Variants in TENM2 observed in about 807,000 individuals in gnomAD.
TENM2 encodes the protein teneurin-2.
TENM2 carries 52 observed loss-of-function variants against 245.2 expected under a neutral mutation model. That is an observed-to-expected ratio of 0.21 (90% confidence interval 0.17 to 0.27). The LOEUF is 0.27. Among genes scored for constraint, TENM2 ranks in the 10% least tolerant of loss-of-function variants. The probability of loss-of-function intolerance (pLI) is 1.00; values close to 1 mark genes in which losing one functional copy is unlikely to be tolerated. For synonymous variants in TENM2, 1,363 were observed against 1,438.9 expected (o/e 0.95, Z 1.19); for missense variants, 3,046 against 3,666.8 (o/e 0.83, Z 4.37).
At chr5:167,105,322 AC>A in the TENM2 span, among the ~76,000 whole-genome samples, 1 of 151,950 alleles carries the variant, frequency 6.6e-6, no homozygotes, top group South Asian at 2.1e-4. Flanking sequence ...TGATATTATC[AC>A]CCCATTACTG....
chr5:167,300,932 C>A (rs56857681), intron 1 of TENM2, among the ~76,000 whole-genome samples: 38,626 of 151,880 alleles, frequency 0.25, 8,128 homozygotes, highest in African/African-American at 0.58. Context: ...CTAAGTTGGC[C>A]CCAGAATTGG....
the TENM2 span, among the ~76,000 whole-genome samples, chr5:167,018,398 C>G: frequency 1.3e-5 from 2 of 148,724 alleles, no homozygotes; most frequent in Non-Finnish European, 3.0e-5. Context: ...TTTTATGCCA[C>G]TAAAAAAACC....
At chr5:168,047,891 G>A (rs933334379) in intron 6 of TENM2, among the ~76,000 whole-genome samples, 1 of 148,268 alleles carries the variant, frequency 6.7e-6, no homozygotes, top group African/African-American at 2.6e-5. Context: ...AGTGGCAGCA[G>A]CAGCAGCAGC....
At chr5:168,012,649 AAAAAAAAAAAAC>A (rs796517209) in intron 5 of TENM2, among the ~76,000 whole-genome samples, 14 of 132,670 alleles carry the variant, frequency 1.1e-4, no homozygotes, top group African/African-American at 4.6e-4. Context: ...CTCTGTCTCA[AAAAAAAAAAAAC>A]AAAAAAAAAA....
chr5:167,765,899 C>T (rs1016804789), intron 2 of TENM2, among the ~76,000 whole-genome samples: 1 of 152,126 alleles, frequency 6.6e-6, no homozygotes, highest in Non-Finnish European at 1.5e-5. Flanking sequence ...CGCTTGTAAA[C>T]TTAATTGATA....
the TENM2 span, among the ~76,000 whole-genome samples, chr5:167,267,925 A>G: frequency 2.0e-5 from 3 of 149,068 alleles, no homozygotes; most frequent in Admixed American, 6.9e-5. Flanking sequence ...GGCAACAAAG[A>G]GTCTTTTTAA....
chr5:167,792,620 G>A (rs1373888313), intron 2 of TENM2, among the ~76,000 whole-genome samples: 2 of 151,722 alleles, frequency 1.3e-5, no homozygotes, highest in Non-Finnish European at 2.9e-5. Flanking sequence ...TAAGTTTAAG[G>A]ACTTCCTCCA....
Position 167,746,269 on chromosome 5 carries a change from G to A in TENM2, c.503-129717G>A, listed in dbSNP as rs146837119. On this transcript the variant is annotated intron_variant, in intron 2 of 28. Coordinates refer to ENST00000518659, the Ensembl canonical transcript of TENM2. Reference sequence around the variant, plus strand: ...TCACCCTACAGCCATACTAGGGAGTGTTGCCACCTTAAATGGATTGGAGGT... The same window carrying A: ...TCACCCTACAGCCATACTAGGGAGTATTGCCACCTTAAATGGATTGGAGGT... Among the ~76,000 whole-genome samples the A allele has an allele frequency of 1.3e-3, 204 of 152,296 alleles. 1 individual carries two copies. The highest frequency in any genetic ancestry group is 3.4e-3 in the Middle Eastern group (1 of 294).
chr5:167,429,129 C>T (rs1425622519), intron 2 of TENM2, among the ~76,000 whole-genome samples: 1 of 152,056 alleles, frequency 6.6e-6, no homozygotes, highest in African/African-American at 2.4e-5. Context: ...ATAGTTTTAC[C>T]TGCTTTGCAA....
the TENM2 span, among the ~76,000 whole-genome samples, chr5:167,139,858 G>C: frequency 3.9e-5 from 6 of 152,224 alleles, no homozygotes; most frequent in Admixed American, 6.5e-5. Flanking sequence ...AATGACTTCA[G>C]ATGTGCCGTA....
At chr5:167,173,145 G>A in the TENM2 span, among the ~76,000 whole-genome samples, 1 of 152,300 alleles carries the variant, frequency 6.6e-6, no homozygotes, top group African/African-American at 2.4e-5. Flanking sequence ...GACACATAGG[G>A]TTGTTCTGAC....
the TENM2 span, among the ~76,000 whole-genome samples, chr5:167,076,259 A>G: frequency 2.0e-5 from 3 of 152,182 alleles, no homozygotes; most frequent in African/African-American, 7.2e-5. Flanking sequence ...TTTCAACCAG[A>G]CTAGGATGAA....
chr5:167,296,282 A>G (rs1754946521), intron 1 of TENM2: 1 of 152,180 alleles, frequency 6.6e-6, no homozygotes, highest in Non-Finnish European at 1.5e-5. Flanking sequence ...GATACATTTC[A>G]GTTTAAAAAT....
intron 7 of TENM2, among the ~76,000 whole-genome samples, chr5:168,084,492 T>C (rs1047256354): frequency 2.0e-5 from 3 of 152,224 alleles, no homozygotes; most frequent in African/African-American, 7.2e-5. Flanking sequence ...TGATTTACAT[T>C]TTGATAGAGG....
intron 2 of TENM2, among the ~76,000 whole-genome samples, chr5:167,467,911 A>G (rs1165822644): frequency 6.6e-6 from 1 of 152,150 alleles, no homozygotes; most frequent in African/African-American, 2.4e-5. Context: ...GTATAAACCT[A>G]TAAGCTGGCA....
chr5:167,945,563 C>T (rs111403300), intron 3 of TENM2, among the ~76,000 whole-genome samples: 1 of 152,304 alleles, frequency 6.6e-6, no homozygotes, highest in African/African-American at 2.4e-5. Context: ...CCTGCCGACC[C>T]TAGTCCTTTA....
chr5:167,023,368 C>T, the TENM2 span, among the ~76,000 whole-genome samples: 1 of 152,096 alleles, frequency 6.6e-6, no homozygotes, highest in African/African-American at 2.4e-5. Context: ...TCACATTATA[C>T]CTGTCACAGA....
At chr5:167,038,411 A>G in the TENM2 span, among the ~76,000 whole-genome samples, 3 of 152,300 alleles carry the variant, frequency 2.0e-5, no homozygotes, top group Non-Finnish European at 2.9e-5. Flanking sequence ...GAGGACCACG[A>G]CTGTCCTCTA....
the TENM2 span, among the ~76,000 whole-genome samples, chr5:167,198,264 G>C: frequency 1.3e-5 from 2 of 152,092 alleles, no homozygotes; most frequent in Non-Finnish European, 2.9e-5. Context: ...TAAGAAACCA[G>C]ATATCTAGAG....
Sources: gnomAD v4.1 joint callset for allele counts (sites outside exome capture counted in the v4.1 genomes callset) on GRCh38, gnomAD v4.1.1 for gene constraint, MANE v1.5 for transcripts, NCBI Gene and HGNC (gene_info 2026-07-23, HGNC 2026-07-21) for gene names.